Variants in GPC5 observed in about 807,000 individuals in gnomAD.
GPC5 encodes glypican 5.
A neutral mutation model predicts 53.9 loss-of-function variants in GPC5; 47 were observed. The observed-to-expected ratio is 0.87, with a 90% CI of 0.69 to 1.11. The LOEUF (loss-of-function observed/expected upper bound fraction) is 1.11. GPC5 is among the 50% of genes most tolerant of loss of function. The pLI, the probability that GPC5 is intolerant of heterozygous loss-of-function variation, is 0.00. For synonymous variants in GPC5, 286 were observed against 263.3 expected (o/e 1.09, Z -0.84); for missense variants, 748 against 713.1 (o/e 1.05, Z -0.56).
chr13:92,515,999 A>C (rs1880761503), intron 7 of GPC5, among the ~76,000 whole-genome samples: 1 of 152,208 alleles, frequency 6.6e-6, no homozygotes, highest in Admixed American at 6.5e-5. Flanking sequence ...GTGTGATATT[A>C]CTATTAAATC....
At chr13:91,950,132 C>G (rs1352246393) in intron 6 of GPC5, among the ~76,000 whole-genome samples, 2 of 152,098 alleles carry the variant, frequency 1.3e-5, no homozygotes, top group Non-Finnish European at 2.9e-5. Context: ...ATTTTGTTGA[C>G]AGCAGGGTCA....
intron 5 of GPC5, among the ~76,000 whole-genome samples, chr13:91,797,766 C>T (rs766195226): frequency 2.0e-5 from 3 of 152,128 alleles, no homozygotes; most frequent in African/African-American, 7.2e-5. Flanking sequence ...GACGGTGAGG[C>T]AGAGCAGGCG....
intron 6 of GPC5, among the ~76,000 whole-genome samples, chr13:92,123,177 G>T: frequency 6.6e-6 from 1 of 152,024 alleles, no homozygotes; most frequent in East Asian, 1.9e-4. Flanking sequence ...GCCAAGAAAG[G>T]CAGGATCACC....
intron 7 of GPC5, among the ~76,000 whole-genome samples, chr13:92,804,036 G>T (rs1044558302): frequency 5.3e-5 from 8 of 151,998 alleles, no homozygotes; most frequent in Admixed American, 3.9e-4. Flanking sequence ...TAACTGAGAA[G>T]TAAACTATTG....
chr13:91,811,353 C>T (rs1422072641), intron 5 of GPC5, among the ~76,000 whole-genome samples: 1 of 151,914 alleles, frequency 6.6e-6, no homozygotes, highest in Non-Finnish European at 1.5e-5. Context: ...AGGTGTTTCT[C>T]TAATTTTGAA....
At chr13:91,946,670 G>C (rs2039977192) in intron 6 of GPC5, among the ~76,000 whole-genome samples, 1 of 152,150 alleles carries the variant, frequency 6.6e-6, no homozygotes, top group South Asian at 2.1e-4. Context: ...ATGAACAGCA[G>C]ATGTCACTGT....
intron 7 of GPC5, among the ~76,000 whole-genome samples, chr13:92,219,991 G>A (rs926747300): frequency 6.6e-6 from 1 of 152,010 alleles, no homozygotes; most frequent in Non-Finnish European, 1.5e-5. Flanking sequence ...TGCTTTGTTT[G>A]TGCTTTTTGT....
intron 6 of GPC5, among the ~76,000 whole-genome samples, chr13:92,023,648 A>G (rs1483240223): frequency 6.9e-6 from 1 of 145,406 alleles, no homozygotes; most frequent in South Asian, 2.3e-4. Flanking sequence ...TGTCCTTAAA[A>G]ATCCTCCTTT....
At chr13:92,031,788 CATATTAT>C (rs2040849015) in intron 6 of GPC5, among the ~76,000 whole-genome samples, 1 of 72,530 alleles carries the variant, frequency 1.4e-5, no homozygotes, top group African/African-American at 6.3e-5. Context: ...TAATATATTA[CATATTAT>C]ATATAATATA....
chr13:91,903,974 T>G (rs1316173124), intron 5 of GPC5, among the ~76,000 whole-genome samples: 1 of 151,940 alleles, frequency 6.6e-6, no homozygotes, highest in African/African-American at 2.4e-5. Flanking sequence ...TTGCCTATAT[T>G]ATGTCTGTAT....
chr13:91,817,192 T>C (rs1008561685), intron 5 of GPC5, among the ~76,000 whole-genome samples: 1 of 152,186 alleles, frequency 6.6e-6, no homozygotes, highest in Non-Finnish European at 1.5e-5. Flanking sequence ...TCTTGACATA[T>C]TGTTCTATCT....
At position 91,572,090 on chromosome 13, in the gene GPC5, CATGT is replaced by C. The variant is rs549731722; in HGVS notation, c.326-121096_326-121093del. Among the ~76,000 whole-genome samples the C allele has an allele frequency of 2.3e-4, 28 of 122,588 alleles. 4 individuals carry two copies. The highest frequency in any genetic ancestry group is 1.1e-3 in the African/African-American group (25 of 21,814). The allele number at this position is 122,588 out of a possible 152,430, so 80.4% of individuals were successfully genotyped here. A position where few individuals can be genotyped will look rare whatever the true frequency, so the allele number is the denominator to read the frequency against. ...GTATATACACACATATGTATATGTA[CATGT>C]GTGTGTATATACACACATGTATATA... is the stretch of plus-strand genomic sequence containing the variant. On this transcript the variant is annotated intron_variant, in intron 2 of 7. Transcript: ENST00000377067.
chr13:92,038,658 T>C (rs2040916359), intron 6 of GPC5, among the ~76,000 whole-genome samples: 1 of 146,744 alleles, frequency 6.8e-6, no homozygotes, highest in Non-Finnish European at 1.5e-5. Context: ...CAATAAACAC[T>C]TTAGTACAAA....
chr13:91,539,971 T>C (rs1208362343), intron 2 of GPC5, among the ~76,000 whole-genome samples: 2 of 152,184 alleles, frequency 1.3e-5, no homozygotes, highest in Admixed American at 6.5e-5. Flanking sequence ...TCCTTTCATG[T>C]ATTACATGCT....
At chr13:92,746,431 T>C (rs544157249) in intron 7 of GPC5, among the ~76,000 whole-genome samples, 53 of 152,138 alleles carry the variant, frequency 3.5e-4, no homozygotes, top group Non-Finnish European at 7.4e-4. Context: ...CATTTTTAGT[T>C]GCATTTTATT....
At chr13:92,072,575 T>A (rs1488342521) in intron 6 of GPC5, among the ~76,000 whole-genome samples, 3 of 148,748 alleles carry the variant, frequency 2.0e-5, no homozygotes, top group African/African-American at 5.0e-5. Context: ...CTAAATTTTT[T>A]TTTTTTTTTT....
chr13:91,796,922 T>C (rs1380407549), intron 5 of GPC5, among the ~76,000 whole-genome samples: 2 of 152,208 alleles, frequency 1.3e-5, no homozygotes, highest in Non-Finnish European at 2.9e-5. Flanking sequence ...TTAAAATTAG[T>C]ATTTTTCCTT....
At chr13:91,872,298 G>C (rs901913099) in intron 5 of GPC5, among the ~76,000 whole-genome samples, 11 of 152,092 alleles carry the variant, frequency 7.2e-5, no homozygotes, top group Non-Finnish European at 1.6e-4. Flanking sequence ...ACTAAAGTAA[G>C]AGTACTAAGA....
At chr13:92,027,579 C>T (rs1423801225) in intron 6 of GPC5, among the ~76,000 whole-genome samples, 1 of 152,092 alleles carries the variant, frequency 6.6e-6, no homozygotes, top group Admixed American at 6.6e-5. Flanking sequence ...TCCACAATGT[C>T]TCTGTAAGTC....
Sources: allele counts gnomAD v4.1 joint callset (sites outside exome capture counted in the v4.1 genomes callset), GRCh38; gene constraint gnomAD v4.1.1; transcripts MANE v1.5; gene names NCBI Gene and HGNC (gene_info 2026-07-23, HGNC 2026-07-21).